The following C1QTNF9B variants were observed in gnomAD, a reference collection of about 807,000 sequenced individuals.
C1QTNF9B encodes C1q and TNF related 9B.
C1QTNF9B carries 9 observed loss-of-function variants against 10.1 expected under a neutral mutation model. That is an observed-to-expected ratio of 0.89 (90% CI 0.53 to 1.55). The LOEUF is 1.55. Ranked by LOEUF, C1QTNF9B falls within the 40% of genes most tolerant of loss-of-function variation. The pLI is 0.00. For synonymous variants in C1QTNF9B, 79 were observed against 159.9 expected (o/e 0.49, Z 3.82); for missense variants, 196 against 414.4 (o/e 0.47, Z 4.58).
At position 23,891,456 on chromosome 13, in the gene C1QTNF9B, C is replaced by A; in HGVS notation, c.835G>T (p.Ala279Ser). 1.9e-6 allele frequency: 3 copies of A among 1,581,930 alleles called. 1 individual carries two copies. The highest frequency in any genetic ancestry group is 2.6e-6 in the Non-Finnish European group (3 of 1,153,766). Residue 279 changes from alanine to serine, a missense_variant, in exon 3 of 3, where the codon GCT becomes TCT. Ala to Ser is a moderately conservative substitution (Grantham distance 99, BLOSUM62 1). Transcript: ENST00000382137. ...GCCTGGTCCTCAGAGCTCACGTAAG[C>A]ATCTCTGGTGTGCAGTATTTTTACT...
At chr13:23,896,157 T>C (rs530230252) in intron 1 of C1QTNF9B, among the ~76,000 whole-genome samples, 1 of 152,350 alleles carries the variant, frequency 6.6e-6, no homozygotes, top group South Asian at 2.1e-4. Context: ...GTCTTAGATA[T>C]GTGACCCTAT....
chr13:23,897,041 C>A (rs1408623443), upstream of C1QTNF9B: 14 of 1,609,034 alleles, frequency 8.7e-6, no homozygotes, highest in Non-Finnish European at 1.2e-5. Context: ...GAGGAGAAAC[C>A]TTTGTTGCTG....
chr13:23,896,384 T>C (rs1004362717), intron 1 of C1QTNF9B, among the ~76,000 whole-genome samples: 20 of 152,240 alleles, frequency 1.3e-4, no homozygotes, highest in African/African-American at 4.3e-4. Context: ...TGACATGATA[T>C]GGTATTAGCT....
chr13:23,892,331 T>C (rs957924623), intron 2 of C1QTNF9B, among the ~76,000 whole-genome samples: 1 of 151,636 alleles, frequency 6.6e-6, no homozygotes, highest in Non-Finnish European at 1.5e-5. Context: ...TCTAAAAAAA[T>C]AAAAATAATA....
At chr13:23,892,925 GA>G (rs1266717002) in intron 2 of C1QTNF9B, among the ~76,000 whole-genome samples, 1 of 152,164 alleles carries the variant, frequency 6.6e-6, no homozygotes, top group African/African-American at 2.4e-5. Context: ...TCCCTGGAGT[GA>G]ACATAAAATA....
intron 1 of C1QTNF9B, chr13:23,894,572 G>A (rs3864973): frequency 1.8e-5 from 9 of 487,438 alleles, no homozygotes; most frequent in African/African-American, 6.0e-5. Context: ...TTGGAGGTGC[G>A]AGGAGGTTTC....
At chr13:23,894,177 G>A (rs748933064) in exon 2 of C1QTNF9B, 13 of 1,527,658 alleles carry the variant, frequency 8.5e-6, no homozygotes, top group African/African-American at 1.4e-5. Flanking sequence ...ATCCTTCCCC[G>A]GGCTGCCAGG....
At chr13:23,894,164 C>T (rs200598461) in exon 2 of C1QTNF9B, 1 of 1,539,790 alleles carries the variant, frequency 6.5e-7, no homozygotes, top group Admixed American at 1.7e-5. Context: ...CTCCACTCGT[C>T]CCATCCTTCC....
In C1QTNF9B at chr13:23,896,789, C is replaced by T. The variant is rs1278631261; in HGVS notation, c.166+32G>A. Reference sequence around the variant, plus strand: ...GAGATGAAAGTAATGAAGAGAGAAGCTCAAAGGCAGCCGAAGCCGTCAGGT... The same window carrying T: ...GAGATGAAAGTAATGAAGAGAGAAGTTCAAAGGCAGCCGAAGCCGTCAGGT... On this transcript the variant is annotated intron_variant, in intron 1 of 2. Coordinates refer to ENST00000382137, the Ensembl canonical transcript of C1QTNF9B. 27 of 1,612,218 alleles carry T rather than the reference C, an allele frequency of 1.7e-5. No homozygotes were observed. The East Asian group carries it at 3.1e-4, about 19-fold the overall frequency.
At chr13:23,892,727 A>C (rs1872057906) in intron 2 of C1QTNF9B, among the ~76,000 whole-genome samples, 1 of 152,150 alleles carries the variant, frequency 6.6e-6, no homozygotes, top group Non-Finnish European at 1.5e-5. Context: ...ACACATCCCA[A>C]CACACCTTTT....
At chr13:23,896,790 T>C (rs1373578079) in intron 1 of C1QTNF9B, 31 bp downstream of exon 3, 2 of 1,612,276 alleles carry the variant, frequency 1.2e-6, no homozygotes, top group African/African-American at 2.7e-5. Flanking sequence ...AGAGAGAAGC[T>C]CAAAGGCAGC....
At chr13:23,894,906 C>T (rs1016391626) in intron 1 of C1QTNF9B, among the ~76,000 whole-genome samples, 1 of 152,160 alleles carries the variant, frequency 6.6e-6, no homozygotes, top group African/African-American at 2.4e-5. Flanking sequence ...TGGGCCACAG[C>T]TCACCCCAGA....
intron 1 of C1QTNF9B, 164 bp from the exon 4 acceptor site, chr13:23,894,365 G>A (rs527993180): frequency 5.2e-5 from 34 of 655,190 alleles, no homozygotes; most frequent in Non-Finnish European, 7.5e-5. Flanking sequence ...AGGCATGAGC[G>A]GGCATCTGGG....
At position 23,893,645 on chromosome 13, in the gene C1QTNF9B, T is replaced by C. The variant is rs183160877; in HGVS notation, c.229+494A>G. On this transcript the variant is annotated intron_variant, in intron 2 of 2. Transcript: ENST00000382137. ...GTGCCACCATGCCTGGCTAGTTTTT[T>C]TATTTGTATAGACAAAGTCTTACTA... is the stretch of plus-strand genomic sequence containing the variant. Among the ~76,000 whole-genome samples, 508 of 152,242 alleles carry C rather than the reference T, an allele frequency of 3.3e-3. 5 individuals carry two copies. The highest frequency in any genetic ancestry group is 0.011 in the African/African-American group (469 of 41,554).
chr13:23,892,093 T>C (rs368094461), intron 2 of C1QTNF9B, 32 bp from the exon 5 acceptor site: 25,774 of 1,474,486 alleles, frequency 0.017, 52 homozygotes, highest in African/African-American at 0.055. Flanking sequence ...AAAGAGATAG[T>C]TTGTGAAAGA....
chr13:23,892,608 T>C (rs1872051151), intron 2 of C1QTNF9B, among the ~76,000 whole-genome samples: 1 of 152,078 alleles, frequency 6.6e-6, no homozygotes, highest in Admixed American at 6.5e-5. Context: ...TGATCCGTGA[T>C]CAAACCACTG....
At chr13:23,895,119 A>AG (rs537642142) in intron 1 of C1QTNF9B, among the ~76,000 whole-genome samples, 140 of 152,080 alleles carry the variant, frequency 9.2e-4, no homozygotes, top group Non-Finnish European at 1.6e-3. Flanking sequence ...CTCTGAATGG[A>AG]GGGGGCTTAT....
chr13:23,893,760 G>C (rs1872101108), intron 2 of C1QTNF9B, among the ~76,000 whole-genome samples: 1 of 152,184 alleles, frequency 6.6e-6, no homozygotes, highest in Non-Finnish European at 1.5e-5. Flanking sequence ...GTGAGGCATG[G>C]TGCTCGGCCA....
intron 2 of C1QTNF9B, 89 bp downstream of exon 4, chr13:23,894,050 T>A (rs1038740824): frequency 1.4e-5 from 19 of 1,405,710 alleles, no homozygotes; most frequent in Non-Finnish European, 1.6e-5. Context: ...TATTATAAGA[T>A]TATAATCAGC....
Sources: allele counts gnomAD v4.1 joint callset (sites outside exome capture counted in the v4.1 genomes callset), GRCh38; gene constraint gnomAD v4.1.1; transcripts MANE v1.5; gene names NCBI Gene and HGNC (gene_info 2026-07-23, HGNC 2026-07-21).